SHISA6: variants seen among roughly 807,000 people sequenced by gnomAD.
The protein encoded by SHISA6 is protein shisa-6.
Under a neutral mutation model 47.9 loss-of-function variants are expected in SHISA6, and 22 were observed. The ratio of observed to expected loss-of-function variants is 0.46; its 90% confidence interval spans 0.33 to 0.66. The LOEUF (loss-of-function observed/expected upper bound fraction) is 0.66. Ranked by LOEUF, SHISA6 falls within the 30% of genes least tolerant of loss-of-function variation. The pLI is 0.02. For missense variants in SHISA6, 680 were observed against 764.6 expected (o/e 0.89, Z 1.30); for synonymous variants, 388 against 337.8 (o/e 1.15, Z -1.63).
intron 3 of SHISA6, among the ~76,000 whole-genome samples, chr17:11,518,385 T>C (rs1288372320): frequency 6.6e-6 from 1 of 152,142 alleles, no homozygotes; most frequent in African/African-American, 2.4e-5. Context: ...TTTTTTGCTT[T>C]GTTTTGTTTA....
chr17:11,485,916 G>C (rs977536655), intron 3 of SHISA6, among the ~76,000 whole-genome samples: 2 of 151,894 alleles, frequency 1.3e-5, no homozygotes, highest in Non-Finnish European at 2.9e-5. Context: ...TCTGTCTTGC[G>C]ACCATTATGG....
intron 2 of SHISA6, among the ~76,000 whole-genome samples, chr17:11,336,639 T>C (rs148632681): frequency 6.1e-4 from 93 of 152,192 alleles, no homozygotes; most frequent in Middle Eastern, 3.4e-3. Flanking sequence ...AGTGCTCCCT[T>C]CTCTCCTCCC....
chr17:11,268,218 C>T (rs1908502852), intron 2 of SHISA6, among the ~76,000 whole-genome samples: 1 of 152,186 alleles, frequency 6.6e-6, no homozygotes, highest in Admixed American at 6.5e-5. Context: ...AAAAGAACAG[C>T]CAGTCATCCT....
chr17:11,439,833 GGAGA>G (rs1258455261), intron 3 of SHISA6, among the ~76,000 whole-genome samples: 1 of 152,134 alleles, frequency 6.6e-6, no homozygotes, highest in Non-Finnish European at 1.5e-5. Flanking sequence ...AGCGCTTTGG[GGAGA>G]GAGTTTTACG....
intron 3 of SHISA6, among the ~76,000 whole-genome samples, chr17:11,471,785 T>C (rs527657244): frequency 6.6e-6 from 1 of 152,154 alleles, no homozygotes; most frequent in Non-Finnish European, 1.5e-5. Context: ...TTAAAAGATA[T>C]TTTTTAGAGC....
rs74871263 is a variant in SHISA6 at position 11,344,020 on chromosome 17, T to C, written c.800-35394T>C. 1.9e-3 allele frequency among the ~76,000 whole-genome samples: 296 copies of C among 152,314 alleles called. 2 individuals carry two copies. The highest frequency in any genetic ancestry group is 6.8e-3 in the African/African-American group (281 of 41,566). On this transcript the variant is annotated intron_variant, in intron 2 of 5. Coordinates refer to ENST00000441885, the MANE Select transcript of SHISA6 (RefSeq NM_207386.4). ...CTGTCTTTTTTTATTATAGTCATCC[T>C]AGTGGGCGTAAAGTGGTGTCTTATA... is the stretch of plus-strand genomic sequence containing the variant.
intron 2 of SHISA6, among the ~76,000 whole-genome samples, chr17:11,276,025 G>C (rs1441835876): frequency 2.0e-5 from 3 of 151,792 alleles, no homozygotes; most frequent in African/African-American, 7.3e-5. Context: ...ACCCAAGTTG[G>C]AGTGTGCAGT....
intron 2 of SHISA6, among the ~76,000 whole-genome samples, chr17:11,347,007 G>A (rs1040566496): frequency 6.6e-6 from 1 of 152,144 alleles, no homozygotes; most frequent in South Asian, 2.1e-4. Flanking sequence ...TCATGTTTGC[G>A]GAGTTGAGTC....
intron 3 of SHISA6, among the ~76,000 whole-genome samples, chr17:11,428,945 C>T (rs1009830804): frequency 1.4e-4 from 21 of 151,672 alleles, no homozygotes; most frequent in African/African-American, 1.5e-4. Context: ...CTACCACGCC[C>T]GGTTAATTTT....
At position 11,493,262 on chromosome 17, in the gene SHISA6, C is replaced by T. The variant is rs2071381014; in HGVS notation, c.896-58634C>T. Among the ~76,000 whole-genome samples the T allele has an allele frequency of 2.0e-5, 3 of 152,136 alleles. No individual in the cohort carries two copies. In the South Asian group the frequency reaches 6.2e-4, roughly 32 times the overall value. On this transcript the variant is annotated intron_variant, in intron 3 of 5. Transcript: ENST00000441885. The stretch of plus-strand genomic sequence containing the variant: ...TTTCTGTTTGAGACAGAGTCTCGCT[C>T]TGTCACCCAGGCTGGAGTGCAGTGG...
chr17:11,344,271 G>A (rs562151180), intron 2 of SHISA6, among the ~76,000 whole-genome samples: 1 of 152,236 alleles, frequency 6.6e-6, no homozygotes, highest in African/African-American at 2.4e-5. Context: ...CGTTCTGTAA[G>A]TTGTCTTTTA....
At position 11,557,571 on chromosome 17, in the gene SHISA6, C is replaced by G. The variant is rs73288829; in HGVS notation, c.1106-183C>G. ...TAACAAGCCCCCAGAGAATGGTTTG[C>G]ACATTCAATGGGAAAATACACCCTT... On this transcript the variant is annotated intron_variant, in intron 5 of 5. Coordinates refer to ENST00000441885, the MANE Select transcript of SHISA6 (RefSeq NM_207386.4). Among the ~76,000 whole-genome samples the G allele has an allele frequency of 2.9e-3, 448 of 152,328 alleles. 1 individual carries two copies. Among genetic ancestry groups the G allele is most frequent in the African/African-American group, 0.01 (434 of 41,566 alleles).
chr17:11,335,047 TCAA>T (rs1217366134), intron 2 of SHISA6, among the ~76,000 whole-genome samples: 4 of 152,180 alleles, frequency 2.6e-5, no homozygotes, highest in African/African-American at 7.2e-5. Flanking sequence ...AGGTGGCACT[TCAA>T]CATCTTTTCG....
chr17:11,264,586 T>G (rs745366716), intron 2 of SHISA6, among the ~76,000 whole-genome samples: 2 of 152,196 alleles, frequency 1.3e-5, no homozygotes, highest in South Asian at 2.1e-4. Flanking sequence ...CAGAGAAAGC[T>G]TTTACTTTGA....
Position 11,485,510 on chromosome 17 carries a change from A to C in SHISA6, c.896-66386A>C, listed in dbSNP as rs191624159. On this transcript the variant is annotated intron_variant, in intron 3 of 5. Coordinates refer to ENST00000441885, the MANE Select transcript of SHISA6 (RefSeq NM_207386.4). ...CATACCCAAAGCCCAGAATCCCAGG[A>C]TATGCTGGACATCCCAGGAAACACT... Among the ~76,000 whole-genome samples, 192 of 152,254 alleles carry C rather than the reference A, an allele frequency of 1.3e-3. 4 individuals carry two copies. The highest frequency in any genetic ancestry group is 3.4e-3 in the Middle Eastern group (1 of 294).
At chr17:11,528,302 C>T (rs967601914) in intron 3 of SHISA6, among the ~76,000 whole-genome samples, 4 of 152,130 alleles carry the variant, frequency 2.6e-5, no homozygotes, top group African/African-American at 9.7e-5. Flanking sequence ...GGGATATATA[C>T]TGTGTGTCCC....
intron 3 of SHISA6, among the ~76,000 whole-genome samples, chr17:11,542,902 A>G (rs2071845898): frequency 6.6e-6 from 1 of 152,092 alleles, no homozygotes; most frequent in Non-Finnish European, 1.5e-5. Context: ...CAGGTGCCTC[A>G]AGGGCCACTG....
At chr17:11,494,665 CA>C (rs2071393613) in intron 3 of SHISA6, among the ~76,000 whole-genome samples, 1 of 152,140 alleles carries the variant, frequency 6.6e-6, no homozygotes, top group African/African-American at 2.4e-5. Flanking sequence ...CTGGAGCCAT[CA>C]GGGGAAAGCT....
At chr17:11,321,257 T>G (rs962541231) in intron 2 of SHISA6, among the ~76,000 whole-genome samples, 2 of 152,200 alleles carry the variant, frequency 1.3e-5, no homozygotes, top group African/African-American at 2.4e-5. Flanking sequence ...GGAAAGCTAA[T>G]GCAGTGTCAG....
Sources: gnomAD v4.1 joint callset for allele counts (sites outside exome capture counted in the v4.1 genomes callset) on GRCh38, gnomAD v4.1.1 for gene constraint, MANE v1.5 for transcripts, NCBI Gene and HGNC (gene_info 2026-07-23, HGNC 2026-07-21) for gene names.